SH3RF3: variants seen among roughly 807,000 people sequenced by gnomAD.
The protein encoded by SH3RF3 is SH3 domain containing ring finger 3.
SH3RF3 carries 29 observed loss-of-function variants against 66.3 expected under a neutral mutation model. The ratio of observed to expected loss-of-function variants is 0.44; its 90% confidence interval spans 0.33 to 0.60. The LOEUF (loss-of-function observed/expected upper bound fraction) is 0.60. SH3RF3 is among the 20% of genes least tolerant of loss of function. The pLI, the probability that SH3RF3 is intolerant of heterozygous loss-of-function variation, is 0.04. For missense variants in SH3RF3, 1,194 were observed against 1,190.9 expected (o/e 1.00, Z -0.04); for synonymous variants, 583 against 532.0 (o/e 1.10, Z -1.32).
rs565925749 is a variant in SH3RF3 at position 109,200,867 on chromosome 2, C to CA, written c.573+70755dup. Among the ~76,000 whole-genome samples the CA allele has an allele frequency of 1.7e-4, 26 of 152,354 alleles. No homozygotes were observed. In the East Asian group the frequency reaches 2.5e-3, roughly 15 times the overall value. On this transcript the variant is annotated intron_variant, in intron 1 of 9. Transcript: ENST00000309415. ...CCCTAAGTGCGGCCTCTCAGCCTGT[C>CA]ATGGGGTTTCCTATGTGCTGTTTCA...
At chr2:109,428,635 C>T (rs115507796) in intron 5 of SH3RF3, among the ~76,000 whole-genome samples, 2,174 of 152,360 alleles carry the variant, frequency 0.014, 52 homozygotes, top group African/African-American at 0.05. Context: ...GCCCTATACA[C>T]GCTACCAGGT....
intron 5 of SH3RF3, among the ~76,000 whole-genome samples, chr2:109,428,343 G>A (rs1030147566): frequency 1.1e-4 from 16 of 152,372 alleles, no homozygotes; most frequent in African/African-American, 3.4e-4. Flanking sequence ...TTAGCAGCAA[G>A]TAAAGATCTT....
intron 1 of SH3RF3, among the ~76,000 whole-genome samples, chr2:109,268,742 T>TAA (rs11428324): frequency 4.9e-4 from 74 of 150,168 alleles, no homozygotes; most frequent in South Asian, 8.4e-4. Flanking sequence ...TACTTTATTA[T>TAA]AAAAAAAAAA....
chr2:109,455,097 G>A (rs1051162696), intron 8 of SH3RF3, among the ~76,000 whole-genome samples: 3 of 152,150 alleles, frequency 2.0e-5, no homozygotes, highest in African/African-American at 2.4e-5. Flanking sequence ...ACACAGCATC[G>A]GCAGTGGAGC....
intron 1 of SH3RF3, among the ~76,000 whole-genome samples, chr2:109,167,218 C>A (rs574523215): frequency 6.6e-6 from 1 of 152,044 alleles, no homozygotes; most frequent in Non-Finnish European, 1.5e-5. Context: ...AGGATGATGG[C>A]GGAGAAAAGT....
intron 3 of SH3RF3, among the ~76,000 whole-genome samples, chr2:109,374,625 A>ATGCTTGTC (rs1222719985): frequency 6.6e-6 from 1 of 152,178 alleles, no homozygotes; most frequent in Non-Finnish European, 1.5e-5. Flanking sequence ...AGTCCCGGTG[A>ATGCTTGTC]TGCTTGTCCC....
chr2:109,472,129 T>A (rs1180275412), intron 8 of SH3RF3, among the ~76,000 whole-genome samples: 1 of 152,250 alleles, frequency 6.6e-6, no homozygotes, highest in Non-Finnish European at 1.5e-5. Flanking sequence ...TTAGTTAATA[T>A]GATTAACAAC....
chr2:109,356,520 A>G (rs1682946593), intron 2 of SH3RF3, among the ~76,000 whole-genome samples: 3 of 152,178 alleles, frequency 2.0e-5, no homozygotes, highest in African/African-American at 4.8e-5. Flanking sequence ...TGCTTTCTCA[A>G]TACCAGATGC....
intron 1 of SH3RF3, among the ~76,000 whole-genome samples, chr2:109,291,226 A>G (rs2105367134): frequency 6.6e-6 from 1 of 152,232 alleles, no homozygotes; most frequent in South Asian, 2.1e-4. Flanking sequence ...TTATGGAGAA[A>G]TGCCAGAAAG....
At chr2:109,308,805 C>A in intron 1 of SH3RF3, among the ~76,000 whole-genome samples, 1 of 43,032 alleles carries the variant, frequency 2.3e-5, no homozygotes, top group Non-Finnish European at 3.4e-5. Context: ...GTACCAGTAC[C>A]ATGCTGTTTT....
intron 9 of SH3RF3, among the ~76,000 whole-genome samples, chr2:109,498,520 G>A (rs1255348153): frequency 3.3e-5 from 5 of 152,236 alleles, no homozygotes; most frequent in Non-Finnish European, 7.3e-5. Flanking sequence ...CCCAGGCTCT[G>A]TGAACACGTG....
At chr2:109,488,688 A>G (rs763402174) in intron 8 of SH3RF3, among the ~76,000 whole-genome samples, 26 of 152,194 alleles carry the variant, frequency 1.7e-4, no homozygotes, top group Non-Finnish European at 3.2e-4. Context: ...TGCCGCCAAC[A>G]AGAGTTCTCT....
chr2:109,284,441 G>A (rs989228701), intron 1 of SH3RF3, among the ~76,000 whole-genome samples: 13 of 152,168 alleles, frequency 8.5e-5, no homozygotes, highest in African/African-American at 2.2e-4. Flanking sequence ...GGTCTAGGGC[G>A]TGTGGACTGG....
intron 2 of SH3RF3, among the ~76,000 whole-genome samples, chr2:109,357,990 C>T (rs1682985333): frequency 6.6e-6 from 1 of 152,152 alleles, no homozygotes. Flanking sequence ...ATGTATCTAC[C>T]ATTATAGGCC....
At chr2:109,309,353 G>A (rs187640606) in intron 1 of SH3RF3, among the ~76,000 whole-genome samples, 115 of 150,060 alleles carry the variant, frequency 7.7e-4, no homozygotes, top group Middle Eastern at 3.4e-3. Flanking sequence ...TGAAGGAAGC[G>A]CTAAACATGG....
At chr2:109,492,325 G>A (rs1298083562) in intron 9 of SH3RF3, among the ~76,000 whole-genome samples, 1 of 152,156 alleles carries the variant, frequency 6.6e-6, no homozygotes, top group East Asian at 1.9e-4. Flanking sequence ...GATGCCTAGC[G>A]CCAAGCCTAT....
chr2:109,240,384 A>T (rs1036032557), intron 1 of SH3RF3, among the ~76,000 whole-genome samples: 17 of 152,176 alleles, frequency 1.1e-4, no homozygotes, highest in Non-Finnish European at 1.9e-4. Flanking sequence ...GCTACTTGGG[A>T]GGCTGAGGCA....
chr2:109,417,697 C>T (rs972874551), intron 4 of SH3RF3, among the ~76,000 whole-genome samples: 3 of 152,216 alleles, frequency 2.0e-5, no homozygotes, highest in African/African-American at 7.2e-5. Flanking sequence ...CTCTCGGTTG[C>T]ACCCGCTCAT....
chr2:109,465,579 C>T (rs1390161470), intron 8 of SH3RF3, among the ~76,000 whole-genome samples: 3 of 152,154 alleles, frequency 2.0e-5, no homozygotes, highest in Admixed American at 6.5e-5. Context: ...CTAATGACAT[C>T]TGTATTAGGC....
Sources: gnomAD v4.1 joint callset for allele counts (sites outside exome capture counted in the v4.1 genomes callset) on GRCh38, gnomAD v4.1.1 for gene constraint, MANE v1.5 for transcripts, NCBI Gene and HGNC (gene_info 2026-07-23, HGNC 2026-07-21) for gene names.